ARHGEF11: variants seen among roughly 807,000 people sequenced by gnomAD.
The protein encoded by ARHGEF11 is Rho guanine exchange factor (GEF) 11.
In ARHGEF11, 55 loss-of-function variants were observed where a neutral mutation model predicts 193.7. The observed-to-expected ratio is 0.28, with a 90% CI of 0.23 to 0.36. The LOEUF is 0.36. ARHGEF11 is among the 10% of genes least tolerant of loss of function. The pLI is 1.00. For synonymous variants in ARHGEF11, 693 were observed against 768.0 expected, an observed-to-expected ratio of 0.90 and a Z score of 1.62; for missense variants, 1,723 against 2,005.6, an observed-to-expected ratio of 0.86 and a Z score of 2.69.
chr1:157,007,844 A>G (rs1225880789), intron 1 of ARHGEF11, among the ~76,000 whole-genome samples: 4 of 151,882 alleles, frequency 2.6e-5, no homozygotes, highest in Non-Finnish European at 5.9e-5. Context: ...TATCTAACAA[A>G]TAACTTTCTT....
At chr1:156,947,144 G>C in intron 26 of ARHGEF11, 129 bp from the exon 27 acceptor site, 1 of 1,456,792 alleles carries the variant, frequency 6.9e-7, no homozygotes, top group Non-Finnish European at 9.5e-7. Context: ...GTACTTTCGG[G>C]GTGAACTCCA....
In ARHGEF11 at chr1:156,963,512, A is replaced by T; in HGVS notation, c.1038+8T>A. ...AATGATGAAAGGAGAAAACTAGGAAACCGTTACCTCGTTGTTGAAATAACC... is the reference window on the plus strand; with the variant it reads ...AATGATGAAAGGAGAAAACTAGGAATCCGTTACCTCGTTGTTGAAATAACC... On this transcript the variant is annotated splice_region_variant and intron_variant, in intron 12 of 40. Coordinates refer to ENST00000368194, the MANE Select transcript of ARHGEF11 (RefSeq NM_198236.3). 1 of 1,610,564 alleles carries T rather than the reference A, an allele frequency of 6.2e-7. No individual in the cohort carries two copies. Among genetic ancestry groups the T allele is most frequent in the Middle Eastern group, 1.7e-4 (1 of 6,046 alleles).
Position 156,944,072 on chromosome 1 carries a change from A to G in ARHGEF11, c.3098T>C (p.Leu1033Pro), listed in dbSNP as rs761807587. The G allele has an allele frequency of 1.2e-6, 2 of 1,614,072 alleles. No homozygotes were observed. Residue 1033 changes from leucine to proline, a missense_variant, in exon 32 of 41, where the codon CTA (leucine) becomes CCA (proline). Coordinates refer to ENST00000368194, the MANE Select transcript of ARHGEF11 (RefSeq NM_198236.3). Reference sequence around the variant, plus strand: ...CTCATCCTGTTTCTGTAGCAGCACTAGGAGGTCCTCCAGCAGCAGCACGTG... The same window carrying G: ...CTCATCCTGTTTCTGTAGCAGCACTGGGAGGTCCTCCAGCAGCAGCACGTG... The part of the protein sequence containing the change: ...DLHVLLLEDL[L>P]VLLQKQDEKL...
At chr1:156,961,848 G>T in intron 13 of ARHGEF11, 73 bp from the exon 14 acceptor site, 1 of 1,339,620 alleles carries the variant, frequency 7.5e-7, no homozygotes, top group South Asian at 1.2e-5. Flanking sequence ...GGGGACGTTT[G>T]GCCATGTCTG....
At chr1:156,955,384 G>A (rs556672879) in intron 20 of ARHGEF11, among the ~76,000 whole-genome samples, 43 of 152,276 alleles carry the variant, frequency 2.8e-4, no homozygotes, top group African/African-American at 1.0e-3. Context: ...TTGGATGAAG[G>A]TGAAGGGGGC....
chr1:157,028,969 C>A (rs1557978953), intron 1 of ARHGEF11, among the ~76,000 whole-genome samples: 1 of 151,890 alleles, frequency 6.6e-6, no homozygotes, highest in Non-Finnish European at 1.5e-5. Context: ...GAGTTCGAGA[C>A]CAGCTGGGTA....
intron 34 of ARHGEF11, 82 bp downstream of exon 34, chr1:156,941,781 CG>C: frequency 6.6e-7 from 1 of 1,515,104 alleles, no homozygotes; most frequent in African/African-American, 1.4e-5. Flanking sequence ...TGTCTACCCA[CG>C]GGGGCGAAGG....
Position 156,939,665 on chromosome 1 carries a change from G to C in ARHGEF11, c.3979C>G (p.His1327Asp). The C allele has an allele frequency of 6.2e-7, 1 of 1,614,034 alleles. No individual in the cohort carries two copies. The highest frequency in any genetic ancestry group is 1.1e-5 in the South Asian group (1 of 91,088). The change falls in exon 37 of 41, where the codon CAC becomes GAC. Residue 1327 changes from histidine (H) to aspartate (D), a missense_variant. His to Asp is a moderately conservative substitution (Grantham distance 81). Around this residue, in one of 5 missense-constraint regions of ARHGEF11, gnomAD observed 360 missense variants for 344.4 expected, o/e 1.05. Transcript: ENST00000368194. ...QEDMGLCSLE[H>D]LPPRTRNSGI... is the part of the protein sequence containing the mutation. Reference sequence around the variant, plus strand: ...GAATTTCTGGTCCTTGGGGGTAGGTGTTCCAGAGAACAGAGACCCATGTCT... The same window carrying C: ...GAATTTCTGGTCCTTGGGGGTAGGTCTTCCAGAGAACAGAGACCCATGTCT...
In ARHGEF11 at chr1:156,942,800, T is replaced by C. The variant is rs758764633; in HGVS notation, c.3236-20A>G. The C allele has an allele frequency of 4.0e-5, 64 of 1,608,676 alleles. No homozygotes were observed. The highest frequency in any genetic ancestry group is 5.3e-5 in the Non-Finnish European group (62 of 1,175,288). On this transcript the variant is annotated intron_variant, in intron 32 of 40. Coordinates refer to ENST00000368194, the MANE Select transcript of ARHGEF11 (RefSeq NM_198236.3). Reference sequence around the variant, plus strand: ...GTTTATCTGTGTGAGGAAAGGAAGGTAGAAGGGTCTGTACTAGGGATGGCA... The same window carrying C: ...GTTTATCTGTGTGAGGAAAGGAAGGCAGAAGGGTCTGTACTAGGGATGGCA...
chr1:157,037,710 C>G (rs822570), intron 1 of ARHGEF11, among the ~76,000 whole-genome samples: 1 of 151,840 alleles, frequency 6.6e-6, no homozygotes, highest in Non-Finnish European at 1.5e-5. Flanking sequence ...TTTTGTGTTG[C>G]TTTGTTAATA....
At position 156,940,193 on chromosome 1, in the gene ARHGEF11, C is replaced by A; in HGVS notation, c.3733+14G>T. 1 of 1,564,548 alleles carries A rather than the reference C, an allele frequency of 6.4e-7. No individual in the cohort carries two copies. Among genetic ancestry groups the A allele is most frequent in the Non-Finnish European group, 8.7e-7 (1 of 1,152,006 alleles). On this transcript the variant is annotated intron_variant, in intron 36 of 40. Transcript: ENST00000368194. ...GGGGACCAGGGGCTGACGGCAGGGC[C>A]TTGAAGCACTCACCATCTTCCAGAG...
intron 38 of ARHGEF11, among the ~76,000 whole-genome samples, chr1:156,937,788 G>T (rs892932732): frequency 6.6e-6 from 1 of 152,222 alleles, no homozygotes; most frequent in African/African-American, 2.4e-5. Flanking sequence ...AAATTGGAGT[G>T]GCTCCCCCTC....
intron 1 of ARHGEF11, among the ~76,000 whole-genome samples, chr1:157,036,153 A>C (rs1354229961): frequency 7.0e-6 from 1 of 143,358 alleles, no homozygotes; most frequent in African/African-American, 2.6e-5. Context: ...ATATGAATAC[A>C]TATATGAATA....
chr1:156,957,746 T>G, intron 18 of ARHGEF11, 46 bp downstream of exon 18: 1 of 1,602,952 alleles, frequency 6.2e-7, no homozygotes, highest in Non-Finnish European at 8.5e-7. Context: ...TCAACCCCAC[T>G]CCTTCCACCT....
intron 38 of ARHGEF11, among the ~76,000 whole-genome samples, chr1:156,938,091 G>C (rs535167146): frequency 2.6e-5 from 4 of 152,338 alleles, no homozygotes; most frequent in Non-Finnish European, 5.9e-5. Context: ...CTGAGGTGGG[G>C]AAGTGGCTGC....
At chr1:156,939,514 T>C (rs1432307517) in intron 37 of ARHGEF11, 34 bp downstream of exon 37, 1 of 1,604,516 alleles carries the variant, frequency 6.2e-7, no homozygotes, top group Non-Finnish European at 8.5e-7. Flanking sequence ...GCAAGGGTGC[T>C]TGTCTCCCCA....
At chr1:157,024,599 G>C (rs1001820904) in intron 1 of ARHGEF11, among the ~76,000 whole-genome samples, 1 of 152,062 alleles carries the variant, frequency 6.6e-6, no homozygotes, top group Non-Finnish European at 1.5e-5. Context: ...GCAGGTATAG[G>C]TGGTGCCCAG....
At chr1:157,046,825 C>A (rs1673355350), upstream of ARHGEF11, among the ~76,000 whole-genome samples, 1 of 140,764 alleles carries the variant, frequency 7.1e-6, no homozygotes, top group Non-Finnish European at 1.6e-5. Flanking sequence ...CCTGGGCCAA[C>A]ATGGTGAAAC....
At chr1:156,954,380 C>CAAAAAAAAAAAAAAAAAAA (rs559848711) in intron 21 of ARHGEF11, among the ~76,000 whole-genome samples, 3 of 75,162 alleles carry the variant, frequency 4.0e-5, no homozygotes, top group Non-Finnish European at 7.5e-5. Context: ...ACTGTGTCTC[C>CAAAAAAAAAAAAAAAAAAA]AAAAAAAAAA....
Sources: gnomAD v4.1 joint callset for allele counts (sites outside exome capture counted in the v4.1 genomes callset) on GRCh38, gnomAD v4.1.1 for gene constraint, gnomAD v4.1.1 regional missense constraint, MANE v1.5 for transcripts, NCBI Gene and HGNC (gene_info 2026-07-23, HGNC 2026-07-21) for gene names.